Variants in SFRP4 observed in about 807,000 individuals in gnomAD.
SFRP4 encodes the protein secreted frizzled related protein 4.
In SFRP4, 25 loss-of-function variants were observed where a neutral mutation model predicts 36.3. That is an observed-to-expected ratio of 0.69 (90% CI 0.50 to 0.96). The LOEUF (loss-of-function observed/expected upper bound fraction) is 0.96, where lower values mean the gene tolerates loss of function less well. Among genes scored for constraint, SFRP4 ranks in the 40% least tolerant of loss-of-function variants. The pLI is 0.00. For synonymous variants in SFRP4, 182 were observed against 168.8 expected (o/e 1.08, Z -0.60); for missense variants, 487 against 459.6 (o/e 1.06, Z -0.54).
intron 3 of SFRP4, among the ~76,000 whole-genome samples, chr7:37,913,296 C>T (rs6462794): frequency 0.54 from 82,078 of 152,010 alleles, 22,556 homozygotes; most frequent in Non-Finnish European, 0.6. Flanking sequence ...CAGATTTCTA[C>T]ATTTCTGTGA....
chr7:37,916,005 C>T lies in SFRP4; in HGVS notation c.445+88G>A. ...TCCTACAAGCCTCAGACGCCCCTGG[C>T]AGCCTTAGGTGTGGCCGCCCAGTTC... is the stretch of plus-strand genomic sequence containing the variant. On this transcript the variant is annotated intron_variant, in intron 1 of 5. Coordinates refer to ENST00000436072, the MANE Select transcript of SFRP4 (RefSeq NM_003014.4). The surrounding 1 kb of genome is among the most constrained non-coding windows in gnomAD (Gnocchi z 4.1). The T allele has an allele frequency of 6.6e-7, 1 of 1,512,282 alleles. No individual in the cohort carries two copies. Among genetic ancestry groups the T allele is most frequent in the South Asian group, 1.3e-5 (1 of 74,836 alleles). The allele number at this position is 1,512,282 out of a possible 1,614,324, so 93.7% of individuals were successfully genotyped here. A position where few individuals can be genotyped will look rare whatever the true frequency, so the allele number is the denominator to read the frequency against.
In SFRP4 at chr7:37,914,159, C is replaced by G; in HGVS notation, c.592+54G>C. ...AGTGAGAGCGACCTTATTGAGATTC[C>G]AGCTTTGTAATGAACCAAGTCTCAA... is the stretch of plus-strand genomic sequence containing the variant. On this transcript the variant is annotated intron_variant, in intron 3 of 5. Transcript: ENST00000436072. 2.9e-6 allele frequency: 4 copies of G among 1,374,918 alleles called. No individual in the cohort carries two copies. In the South Asian group the frequency reaches 4.7e-5, roughly 16 times the overall value. The allele number at this position is 1,374,918 out of a possible 1,614,324, so 85.2% of individuals were successfully genotyped here.
At chr7:37,913,637 G>A (rs1158813146) in intron 3 of SFRP4, among the ~76,000 whole-genome samples, 2 of 152,196 alleles carry the variant, frequency 1.3e-5, no homozygotes, top group African/African-American at 4.8e-5. Flanking sequence ...AGAAAATGCT[G>A]AATGGTTCTT....
chr7:37,911,714 G>A (rs1364153760), intron 4 of SFRP4, among the ~76,000 whole-genome samples: 1 of 152,098 alleles, frequency 6.6e-6, no homozygotes, highest in African/African-American at 2.4e-5. Context: ...GTGTTTATAT[G>A]GAAAATATGT....
intron 4 of SFRP4, 132 bp downstream of exon 4, chr7:37,911,987 G>A: frequency 1.6e-6 from 1 of 608,470 alleles, no homozygotes. Flanking sequence ...TTCAAACAGA[G>A]GCATCTGTTA....
chr7:37,906,572 A>G lies in SFRP4; in HGVS notation c.*907T>C, dbSNP rs1428851481. On this transcript the variant is annotated 3_prime_UTR_variant, in exon 6 of 6. Coordinates refer to ENST00000436072, the MANE Select transcript of SFRP4 (RefSeq NM_003014.4). ...AAAATTTGGCACTCACATGAAGGCC[A>G]TTTTTAAGCTTGTCAAATTATTCTC... 5 of 152,330 alleles carry G rather than the reference A, an allele frequency of 3.3e-5. No individual in the cohort carries two copies. In the East Asian group the frequency reaches 7.7e-4, roughly 23 times the overall value. 9.4% of individuals were successfully genotyped at this position (152,330 alleles called of 1,614,324 possible).
chr7:37,909,058 A>G (rs935950953), intron 5 of SFRP4, among the ~76,000 whole-genome samples: 1 of 152,100 alleles, frequency 6.6e-6, no homozygotes, highest in Non-Finnish European at 1.5e-5. Flanking sequence ...ATAATTTCAC[A>G]TCTCTGGGAA....
chr7:37,912,025 A>C, intron 4 of SFRP4, 94 bp downstream of exon 4: 1 of 938,216 alleles, frequency 1.1e-6, no homozygotes, highest in South Asian at 1.8e-5. Context: ...AGACTTTGGC[A>C]TATTTTTGTT....
At chr7:37,911,857 G>GC (rs34796917) in intron 4 of SFRP4, among the ~76,000 whole-genome samples, 79,534 of 151,808 alleles carry the variant, frequency 0.52, 21,456 homozygotes, top group Non-Finnish European at 0.6. Flanking sequence ...TAATTGACTT[G>GC]CTGTAAATTT....
intron 5 of SFRP4, 111 bp from the exon 6 acceptor site, chr7:37,907,775 C>T (rs1478909871): frequency 5.5e-6 from 4 of 721,644 alleles, no homozygotes; most frequent in East Asian, 2.7e-5. Flanking sequence ...ATGACGGTAA[C>T]AATTGTAATA....
rs1226976707 is a variant in SFRP4, at chr7:37,916,323, A to G, written c.215T>C (p.Val72Ala). 6.2e-7 allele frequency: 1 copy of G among 1,614,206 alleles called. No individual in the cohort carries two copies. The change falls in exon 1 of 6, where the codon GTG (valine) becomes GCG (alanine). Residue 72 changes from valine to alanine, a missense_variant. By Grantham distance (64) the Val-to-Ala change is moderately conservative. Coordinates refer to ENST00000436072, the MANE Select transcript of SFRP4 (RefSeq NM_003014.4). This position sits in a 1 kb window ranked among gnomAD's most constrained non-coding sequence, Gnocchi z 4.1. ...EELVDVNCSAVLRFFLCAMYA... is the reference protein window; with the variant it reads ...EELVDVNCSAALRFFLCAMYA... The stretch of plus-strand genomic sequence containing the variant: ...CATGGCACAGAGGAAGAAGCGCAGC[A>G]CGGCGCTGCAGTTCACGTCCACCAG...
At chr7:37,908,830 G>A (rs369217103) in intron 5 of SFRP4, among the ~76,000 whole-genome samples, 1 of 152,138 alleles carries the variant, frequency 6.6e-6, no homozygotes, top group East Asian at 1.9e-4. Flanking sequence ...ACTGACTAGC[G>A]GAGGCTGTGT....
intron 4 of SFRP4, among the ~76,000 whole-genome samples, chr7:37,910,748 C>A (rs914268376): frequency 1.3e-5 from 2 of 151,986 alleles, no homozygotes; most frequent in Non-Finnish European, 2.9e-5. Flanking sequence ...CCAAATAATA[C>A]ATTCATTTTC....
intron 5 of SFRP4, among the ~76,000 whole-genome samples, chr7:37,908,619 C>T (rs1447761665): frequency 6.6e-6 from 1 of 152,192 alleles, no homozygotes; most frequent in Non-Finnish European, 1.5e-5. Context: ...TTATTGAATG[C>T]TTTCCTCTTG....
At position 37,912,102 on chromosome 7, in the gene SFRP4, T is replaced by A. The variant is rs1785497532; in HGVS notation, c.791+17A>T. 1.9e-6 allele frequency: 3 copies of A among 1,599,864 alleles called. No individual in the cohort carries two copies. Among genetic ancestry groups the A allele is most frequent in the Non-Finnish European group, 2.6e-6 (3 of 1,167,072 alleles). ...CTAACAGTGTGCATACAGTTCCTTC[T>A]GCCTCTTTGTGCCTACCTTGAGCGC... is the stretch of plus-strand genomic sequence containing the variant. On this transcript the variant is annotated intron_variant, in intron 4 of 5. Coordinates refer to ENST00000436072, the MANE Select transcript of SFRP4 (RefSeq NM_003014.4).
In SFRP4 at chr7:37,916,814, A is replaced by C. The variant is rs2131991406; in HGVS notation, c.-277T>G. On this transcript the variant is annotated 5_prime_UTR_variant, in exon 1 of 6. Transcript: ENST00000436072. The surrounding 1 kb of genome is among the most constrained non-coding windows in gnomAD (Gnocchi z 4.1). ...TCCCGGACTCCGCAGCTCGGAGCGC[A>C]GCCAGCCACGGCCATTGCGGGACCC... is the stretch of plus-strand genomic sequence containing the variant. The C allele has an allele frequency of 1.9e-6, 1 of 530,178 alleles. No individual in the cohort carries two copies. Among genetic ancestry groups the C allele is most frequent in the East Asian group, 3.2e-5 (1 of 31,394 alleles). The allele number at this position is 530,178 out of a possible 1,614,324, so 32.8% of individuals were successfully genotyped here.
chr7:37,911,129 G>T (rs1372862084), intron 4 of SFRP4, among the ~76,000 whole-genome samples: 1 of 152,228 alleles, frequency 6.6e-6, no homozygotes, highest in African/African-American at 2.4e-5. Flanking sequence ...CACCTTGGTA[G>T]AGATGAGTCC....
intron 4 of SFRP4, among the ~76,000 whole-genome samples, chr7:37,911,669 G>C (rs894277427): frequency 6.6e-6 from 1 of 152,096 alleles, no homozygotes; most frequent in East Asian, 1.9e-4. Flanking sequence ...GTGTGCATGC[G>C]TGTTTGTTTG....
At chr7:37,909,746 T>C in intron 4 of SFRP4, 66 bp from the exon 5 acceptor site, 1 of 909,328 alleles carries the variant, frequency 1.1e-6, no homozygotes, top group South Asian at 1.6e-5. Context: ...AATACAGAAA[T>C]TGTAAAAAAA....
Sources: allele counts gnomAD v4.1 joint callset (sites outside exome capture counted in the v4.1 genomes callset), GRCh38; gene constraint gnomAD v4.1.1; non-coding constraint Gnocchi (gnomAD v3.1); transcripts MANE v1.5; gene names NCBI Gene and HGNC (gene_info 2026-07-23, HGNC 2026-07-21).